METTL8: variants seen among roughly 807,000 people sequenced by gnomAD.
METTL8 encodes the protein tRNA N(3)-cytidine methyltransferase METTL8, mitochondrial.
Under a neutral mutation model 48.7 loss-of-function variants are expected in METTL8, and 32 were observed. That is an observed-to-expected ratio of 0.66 (90% CI 0.50 to 0.88). METTL8 has a LOEUF of 0.88. METTL8 is among the 40% of genes least tolerant of loss of function. METTL8 has a pLI of 0.00. For missense variants in METTL8, 464 were observed against 474.4 expected (o/e 0.98, Z 0.20); for synonymous variants, 136 against 157.1 (o/e 0.87, Z 1.01).
At chr2:171,422,046 A>C (rs1438966135) in intron 1 of METTL8, among the ~76,000 whole-genome samples, 1 of 152,236 alleles carries the variant, frequency 6.6e-6, no homozygotes, top group Non-Finnish European at 1.5e-5. Context: ...CCTAAAGAAG[A>C]GGAGTAAGAT....
intron 1 of METTL8, among the ~76,000 whole-genome samples, chr2:171,398,232 G>T (rs1231429046): frequency 6.6e-6 from 1 of 152,112 alleles, no homozygotes; most frequent in Non-Finnish European, 1.5e-5. Flanking sequence ...ACAAAAGGTA[G>T]AAGCAACCCA....
chr2:171,336,689 A>T (rs866583908), intron 5 of METTL8, among the ~76,000 whole-genome samples: 4 of 152,112 alleles, frequency 2.6e-5, no homozygotes, highest in Non-Finnish European at 4.4e-5. Flanking sequence ...ATGATTTGGC[A>T]TGCAAACATC....
chr2:171,338,321 G>T (rs2105416065), intron 4 of METTL8, among the ~76,000 whole-genome samples: 1 of 152,092 alleles, frequency 6.6e-6, no homozygotes, highest in South Asian at 2.1e-4. Flanking sequence ...ACAAAACTTA[G>T]AATACATGTA....
At chr2:171,434,146 G>A (rs1693551392), upstream of METTL8, 2 of 347,818 alleles carry the variant, frequency 5.8e-6, no homozygotes, top group Non-Finnish European at 5.7e-6. Flanking sequence ...GCGGGCCGGA[G>A]GAGGCGGGGC....
chr2:171,354,430 A>C (rs1278515813), intron 3 of METTL8, among the ~76,000 whole-genome samples: 1 of 152,056 alleles, frequency 6.6e-6, no homozygotes, highest in Non-Finnish European at 1.5e-5. Flanking sequence ...TCTGACAATT[A>C]TGTGTCTTGG....
intron 2 of METTL8, among the ~76,000 whole-genome samples, chr2:171,383,525 G>A (rs559793214): frequency 2.0e-5 from 3 of 152,260 alleles, no homozygotes; most frequent in African/African-American, 7.2e-5. Flanking sequence ...ATGTGTATAT[G>A]TTATGTACAC....
rs893979202 is a variant in METTL8, at chr2:171,433,936, C to G, written c.-66G>C. The G allele has an allele frequency of 5.3e-6, 1 of 190,180 alleles. No homozygotes were observed. The allele number at this position is 190,180 out of a possible 1,614,324, so 11.8% of individuals were successfully genotyped here. A position where few individuals can be genotyped will look rare whatever the true frequency, so the allele number is the denominator to read the frequency against. ...ATCGCCCTCGACACAGCGCCCCTCCCGGCACCTGGCCAGAACCTCCCAGGG... is the reference window on the plus strand; with the variant it reads ...ATCGCCCTCGACACAGCGCCCCTCCGGGCACCTGGCCAGAACCTCCCAGGG... On this transcript the variant is annotated 5_prime_UTR_variant, in exon 1 of 10. Transcript: ENST00000375258.
At chr2:171,387,014 T>C (rs1688120525) in intron 2 of METTL8, among the ~76,000 whole-genome samples, 1 of 152,028 alleles carries the variant, frequency 6.6e-6, no homozygotes, top group Admixed American at 6.5e-5. Context: ...CCCTTCTGAC[T>C]CCCCAATCTG....
chr2:171,429,432 A>G (rs1692753711), intron 1 of METTL8, among the ~76,000 whole-genome samples: 1 of 152,228 alleles, frequency 6.6e-6, no homozygotes, highest in African/African-American at 2.4e-5. Context: ...GGCAATATGG[A>G]CAGACCTTTC....
At chr2:171,415,349 CTTTTT>C (rs762739077) in intron 1 of METTL8, among the ~76,000 whole-genome samples, 154 of 112,368 alleles carry the variant, frequency 1.4e-3, no homozygotes, top group African/African-American at 5.7e-3. Flanking sequence ...ATCTCGAAAT[CTTTTT>C]TTTTTTTTTT....
chr2:171,363,818 T>TATATA (rs1253414074), intron 2 of METTL8, among the ~76,000 whole-genome samples: 3 of 52,964 alleles, frequency 5.7e-5, no homozygotes, highest in Admixed American at 1.7e-4. Flanking sequence ...ATATATATCT[T>TATATA]TTTTTTTTTT....
chr2:171,354,516 G>A (rs1370615652), intron 3 of METTL8, among the ~76,000 whole-genome samples: 3 of 151,952 alleles, frequency 2.0e-5, no homozygotes, highest in Admixed American at 6.6e-5. Context: ...GCCTTGCTAG[G>A]TTGGGGAAGT....
At chr2:171,353,804 T>C (rs531895093) in intron 3 of METTL8, among the ~76,000 whole-genome samples, 4 of 152,298 alleles carry the variant, frequency 2.6e-5, no homozygotes, top group African/African-American at 9.6e-5. Flanking sequence ...TTGTTTTCCA[T>C]TTGCTTGGTA....
chr2:171,404,099 ATG>A (rs1553530125), intron 1 of METTL8, among the ~76,000 whole-genome samples: 4 of 124,060 alleles, frequency 3.2e-5, no homozygotes, highest in Admixed American at 8.3e-5. Flanking sequence ...ATATATATAT[ATG>A]ATAGTTTAAC....
chr2:171,336,330 C>CAA (rs1686095166), intron 5 of METTL8, among the ~76,000 whole-genome samples: 1 of 148,538 alleles, frequency 6.7e-6, no homozygotes, highest in African/African-American at 2.5e-5. Flanking sequence ...CTCCTGATCT[C>CAA]GTGATTTGCC....
At position 171,380,758 on chromosome 2, in the gene METTL8, C is replaced by T. The variant is rs12998320; in HGVS notation, c.143+11285G>A. Among the ~76,000 whole-genome samples, 10 of 152,002 alleles carry T rather than the reference C, an allele frequency of 6.6e-5. 1 individual carries two copies. The highest frequency in any genetic ancestry group is 6.2e-4 in the South Asian group (3 of 4,828). Reference sequence around the variant, plus strand: ...TCAAAGAAATAAGAGAGGACATAAACGAATGGAAGAACATTCCATGCTCAC... The same window carrying T: ...TCAAAGAAATAAGAGAGGACATAAATGAATGGAAGAACATTCCATGCTCAC... On this transcript the variant is annotated intron_variant, in intron 2 of 9. Coordinates refer to ENST00000375258, the MANE Select transcript of METTL8 (RefSeq NM_001321154.2).
At chr2:171,423,789 C>T (rs1288909064) in intron 1 of METTL8, among the ~76,000 whole-genome samples, 1 of 152,156 alleles carries the variant, frequency 6.6e-6, no homozygotes, top group African/African-American at 2.4e-5. Context: ...AAATGAAAAA[C>T]CCATATTCTG....
intron 5 of METTL8, 21 bp from the exon 6 acceptor site, chr2:171,331,888 T>C: frequency 1.9e-6 from 3 of 1,547,476 alleles, no homozygotes; most frequent in Non-Finnish European, 2.6e-6. Flanking sequence ...GGAAGAAATA[T>C]TTATTTATTT....
chr2:171,366,478 C>T (rs927707402), intron 2 of METTL8, among the ~76,000 whole-genome samples: 2 of 152,040 alleles, frequency 1.3e-5, no homozygotes, highest in Non-Finnish European at 2.9e-5. Flanking sequence ...TCCATAATGT[C>T]CACCATATAA....
Sources: gnomAD v4.1 joint callset for allele counts (sites outside exome capture counted in the v4.1 genomes callset) on GRCh38, gnomAD v4.1.1 for gene constraint, MANE v1.5 for transcripts, NCBI Gene and HGNC (gene_info 2026-07-23, HGNC 2026-07-21) for gene names.